VCL: variants seen among roughly 807,000 people sequenced by gnomAD.
VCL encodes the protein epididymis luminal protein 114.
VCL carries 47 observed loss-of-function variants against 125.7 expected under a neutral mutation model. The observed-to-expected ratio is 0.37, with a 90% CI of 0.30 to 0.48. The LOEUF (loss-of-function observed/expected upper bound fraction) is 0.48, where lower values mean the gene tolerates loss of function less well. VCL is among the 20% of genes least tolerant of loss of function. VCL has a pLI of 0.99. For synonymous variants in VCL, 458 were observed against 514.6 expected, an observed-to-expected ratio of 0.89 and a Z score of 1.49; for missense variants, 1,069 against 1,455.5, an observed-to-expected ratio of 0.73 and a Z score of 4.32.
chr10:74,047,437 A>T (rs1227409326), intron 2 of VCL, among the ~76,000 whole-genome samples: 1 of 152,242 alleles, frequency 6.6e-6, no homozygotes, highest in Non-Finnish European at 1.5e-5. Context: ...AACAGATGGA[A>T]GCAATTAATG....
At chr10:74,055,531 T>A (rs973815250) in intron 2 of VCL, among the ~76,000 whole-genome samples, 15 of 143,056 alleles carry the variant, frequency 1.0e-4, no homozygotes, top group Admixed American at 2.1e-4. Context: ...AAAAAAAAAA[T>A]TTTTTTTTTT....
chr10:74,026,219 C>T (rs1840770032), intron 1 of VCL, among the ~76,000 whole-genome samples: 2 of 152,236 alleles, frequency 1.3e-5, no homozygotes, highest in Admixed American at 6.5e-5. Flanking sequence ...TAGCTGCTGG[C>T]ATTCACCCAT....
In VCL at chr10:73,998,186, C is replaced by T. The variant is rs1308204617; in HGVS notation, c.-22C>T. ...TCCTACTTCTCTGTCGCCCGCGGTT[C>T]GCCGCCCCGCTCGCCGCCGCGATGC... is the stretch of plus-strand genomic sequence containing the variant. On this transcript the variant is annotated 5_prime_UTR_variant, in exon 1 of 22. Transcript: ENST00000211998. The T allele has an allele frequency of 5.0e-6, 8 of 1,609,576 alleles. No individual in the cohort carries two copies. In the East Asian group the frequency reaches 1.3e-4, roughly 27 times the overall value.
chr10:74,103,792 G>C lies in VCL; in HGVS notation c.2023-28G>C, dbSNP rs1840093287. ...GTATCTGGAGAGCAAGGGTGCTCTGGTGTTTAAAGGTGTTTTGTCATTGTC... is the reference window on the plus strand; with the variant it reads ...GTATCTGGAGAGCAAGGGTGCTCTGCTGTTTAAAGGTGTTTTGTCATTGTC... On this transcript the variant is annotated intron_variant, in intron 14 of 21. Transcript: ENST00000211998. The C allele has an allele frequency of 2.5e-6, 4 of 1,601,514 alleles. No homozygotes were observed. In the East Asian group the frequency reaches 8.9e-5, roughly 36 times the overall value.
intron 1 of VCL, 123 bp downstream of exon 1, chr10:73,998,498 G>A (rs1171296880): frequency 6.5e-6 from 7 of 1,070,858 alleles, no homozygotes; most frequent in Non-Finnish European, 8.4e-6. Context: ...CCGGAGCCAG[G>A]CGCCGAGGGT....
intron 19 of VCL, among the ~76,000 whole-genome samples, chr10:74,112,783 T>C (rs1367028265): frequency 6.6e-6 from 1 of 151,786 alleles, no homozygotes; most frequent in Admixed American, 6.6e-5. Flanking sequence ...GAGAGTAGGG[T>C]GATTGGGGTG....
chr10:74,018,260 G>T (rs1398543985), intron 1 of VCL, among the ~76,000 whole-genome samples: 1 of 143,552 alleles, frequency 7.0e-6, no homozygotes, highest in Non-Finnish European at 1.5e-5. Flanking sequence ...GTTTTACCAT[G>T]TTGCTCAGGC....
intron 2 of VCL, among the ~76,000 whole-genome samples, chr10:74,064,768 G>T (rs1292900244): frequency 6.6e-6 from 1 of 152,014 alleles, no homozygotes; most frequent in African/African-American, 2.4e-5. Context: ...CTAAAATTTG[G>T]ATCACTCATT....
chr10:74,088,158 CT>C (rs1379633988), intron 8 of VCL, among the ~76,000 whole-genome samples: 2 of 152,182 alleles, frequency 1.3e-5, no homozygotes, highest in African/African-American at 4.8e-5. Context: ...GTTACTGCCC[CT>C]ATCATTGAGT....
intron 1 of VCL, among the ~76,000 whole-genome samples, chr10:74,030,953 G>T (rs1840863212): frequency 6.6e-6 from 1 of 152,078 alleles, no homozygotes; most frequent in African/African-American, 2.4e-5. Context: ...AACCATCCTT[G>T]CCCCAAATTC....
At chr10:74,070,525 G>A (rs184557651) in intron 2 of VCL, 145 bp from the exon 3 acceptor site, 28 of 1,146,238 alleles carry the variant, frequency 2.4e-5, no homozygotes, top group Admixed American at 7.2e-5. Context: ...ATCTAAAAAC[G>A]TAGGTTCTAT....
In VCL at chr10:73,998,382, G is replaced by T. The variant is rs780959726; in HGVS notation, c.168+7G>T. 13 of 1,511,582 alleles carry T rather than the reference G, an allele frequency of 8.6e-6. 1 individual carries two copies. Among genetic ancestry groups the T allele is most frequent in the South Asian group, 7.4e-5 (6 of 81,196 alleles). 93.6% of individuals were successfully genotyped at this position (1,511,582 alleles called of 1,614,324 possible). On this transcript the variant is annotated splice_region_variant and intron_variant, in intron 1 of 21. Coordinates refer to ENST00000211998, the MANE Select transcript of VCL (RefSeq NM_014000.3). ...CGTCAGCAACCTCGTCCGGGTGAGC[G>T]CGCAGGGCCTGGCGCGGGAGCGGGC...
chr10:74,089,264 C>T lies in VCL; in HGVS notation c.1091C>T (p.Thr364Ile). 6.2e-7 allele frequency: 1 copy of T among 1,614,100 alleles called. No homozygotes were observed. The highest frequency in any genetic ancestry group is 8.5e-7 in the Non-Finnish European group (1 of 1,180,036). ...GTATCTCAGGGTCTGGATGTGCTCA[C>T]AGCAAAAGTGGAAAATGCAGCTCGC... is the stretch of plus-strand genomic sequence containing the variant. ...QQVSQGLDVL[T>I]AKVENAARKL... The change falls in exon 9 of 22, where the codon ACA (threonine) becomes ATA (isoleucine). Residue 364 changes from threonine to isoleucine, a missense_variant. Thr to Ile is a moderately conservative substitution (Grantham distance 89, BLOSUM62 -1). This residue lies in a region of VCL where 760 missense variants were observed against 928.9 expected (regional missense o/e 0.82). Transcript: ENST00000211998.
At chr10:74,079,642 A>T (rs1435469507) in intron 6 of VCL, among the ~76,000 whole-genome samples, 1 of 152,214 alleles carries the variant, frequency 6.6e-6, no homozygotes, top group Non-Finnish European at 1.5e-5. Flanking sequence ...GTATACTTAC[A>T]TGCTTATGAC....
intron 6 of VCL, 44 bp downstream of exon 6, chr10:74,074,947 C>G: frequency 6.2e-7 from 1 of 1,612,492 alleles, no homozygotes; most frequent in Admixed American, 1.7e-5. Flanking sequence ...CCCAACTCTC[C>G]CTGGCTGGGG....
chr10:74,025,233 G>A (rs886580271), intron 1 of VCL, among the ~76,000 whole-genome samples: 1 of 151,956 alleles, frequency 6.6e-6, no homozygotes. Flanking sequence ...GGCCTGGCTG[G>A]TTCAAACTCC....
intron 1 of VCL, among the ~76,000 whole-genome samples, chr10:74,011,138 G>A (rs992750770): frequency 5.7e-5 from 8 of 140,904 alleles, no homozygotes; most frequent in African/African-American, 8.0e-5. Context: ...GCACTCCAGC[G>A]TGGGCAACAA....
chr10:74,033,663 C>T (rs1840923098), intron 1 of VCL, among the ~76,000 whole-genome samples: 1 of 152,124 alleles, frequency 6.6e-6, no homozygotes, highest in African/African-American at 2.4e-5. Context: ...ATTCATTATC[C>T]ATGGCTTTTA....
At chr10:74,036,454 T>G (rs1157287057) in intron 1 of VCL, among the ~76,000 whole-genome samples, 2 of 152,144 alleles carry the variant, frequency 1.3e-5, no homozygotes, top group Non-Finnish European at 2.9e-5. Context: ...CCACCCGCCT[T>G]GGCCTCCCAA....
Sources: allele counts gnomAD v4.1 joint callset (sites outside exome capture counted in the v4.1 genomes callset), GRCh38; gene constraint gnomAD v4.1.1; regional missense constraint gnomAD v4.1.1; transcripts MANE v1.5; gene names NCBI Gene and HGNC (gene_info 2026-07-23, HGNC 2026-07-21).